Variants in FAH observed in about 807,000 individuals in gnomAD.
The protein encoded by FAH is fumarylacetoacetate hydrolase, also known as fumarylacetoacetase.
FAH carries 47 observed loss-of-function variants against 55.8 expected under a neutral mutation model. The ratio of observed to expected loss-of-function variants is 0.84; its 90% confidence interval spans 0.67 to 1.07. The LOEUF (loss-of-function observed/expected upper bound fraction) is 1.07. Ranked by LOEUF, FAH falls within the 50% of genes least tolerant of loss-of-function variation. The pLI is 0.00. For missense variants in FAH, 495 were observed against 545.9 expected, an observed-to-expected ratio of 0.91 and a Z score of 0.93; for synonymous variants, 199 against 207.7, an observed-to-expected ratio of 0.96 and a Z score of 0.36.
At chr15:80,180,334 G>C in intron 12 of FAH, 109 bp downstream of exon 12, 1 of 829,678 alleles carries the variant, frequency 1.2e-6, no homozygotes, top group Non-Finnish European at 2.0e-6. Flanking sequence ...GCCCGAGGTG[G>C]GTGTATCTCA....
At chr15:80,160,524 G>C (rs906681421) in intron 4 of FAH, 65 bp downstream of exon 4, 4 of 1,522,160 alleles carry the variant, frequency 2.6e-6, no homozygotes, top group Non-Finnish European at 3.6e-6. Context: ...GGCTGGCCAG[G>C]TGCTTTGGTT....
At chr15:80,166,109 T>G (rs377119931) in intron 5 of FAH, 28 of 152,168 alleles carry the variant, frequency 1.8e-4, no homozygotes, top group Admixed American at 2.6e-4. Context: ...TGTTAATCGG[T>G]GTCATACATA....
chr15:80,165,567 C>T (rs1047757102), intron 5 of FAH, among the ~76,000 whole-genome samples: 70 of 147,226 alleles, frequency 4.8e-4, no homozygotes, highest in Middle Eastern at 3.5e-3. Context: ...TGGTGGCGGG[C>T]GCCTGTAGTC....
chr15:80,176,736 T>C (rs1286540988), intron 10 of FAH, among the ~76,000 whole-genome samples: 3 of 152,234 alleles, frequency 2.0e-5, no homozygotes, highest in Non-Finnish European at 4.4e-5. Flanking sequence ...CCTGGCTGCC[T>C]AGAGGTGAAC....
At chr15:80,160,147 C>A in intron 3 of FAH, 2 of 629,374 alleles carry the variant, frequency 3.2e-6, no homozygotes, top group Non-Finnish European at 5.6e-6. Flanking sequence ...TCATTAGCAT[C>A]ATCTGTGACC....
At chr15:80,178,807 C>T (rs1279708766) in intron 11 of FAH, among the ~76,000 whole-genome samples, 1 of 151,846 alleles carries the variant, frequency 6.6e-6, no homozygotes, top group African/African-American at 2.4e-5. Flanking sequence ...CCAGGATGGT[C>T]TCGATCTCCT....
intron 11 of FAH, among the ~76,000 whole-genome samples, chr15:80,179,645 A>G (rs2041312951): frequency 6.6e-6 from 1 of 152,026 alleles, no homozygotes; most frequent in African/African-American, 2.4e-5. Context: ...GTTCAGCTCC[A>G]TTGCCCAGTG....
chr15:80,166,635 C>CTTTTT (rs768001652), intron 5 of FAH, among the ~76,000 whole-genome samples: 9 of 118,360 alleles, frequency 7.6e-5, no homozygotes, highest in South Asian at 2.8e-4. Context: ...TTTGCATTTT[C>CTTTTT]TTTTTTTTTT....
At chr15:80,177,417 G>T in intron 10 of FAH, 120 bp from the exon 11 acceptor site, 1 of 941,290 alleles carries the variant, frequency 1.1e-6, no homozygotes, top group Non-Finnish European at 1.7e-6. Context: ...TTGTTTCACA[G>T]ACTCTAAGTG....
intron 13 of FAH, among the ~76,000 whole-genome samples, chr15:80,183,449 G>T (rs1436068609): frequency 6.6e-6 from 1 of 152,246 alleles, no homozygotes; most frequent in Non-Finnish European, 1.5e-5. Context: ...CTTGTGCAAA[G>T]GTTCCCCGCA....
chr15:80,175,318 A>C (rs1223574583), intron 10 of FAH, among the ~76,000 whole-genome samples: 5 of 151,968 alleles, frequency 3.3e-5, no homozygotes, highest in Non-Finnish European at 7.4e-5. Context: ...CTGAGCTCTC[A>C]GTGGTAGGGC....
chr15:80,174,006 C>G (rs1420126506), intron 9 of FAH, among the ~76,000 whole-genome samples: 1 of 152,198 alleles, frequency 6.6e-6, no homozygotes, highest in Non-Finnish European at 1.5e-5. Flanking sequence ...CTGGGGTCAT[C>G]TCATGTTTGC....
At position 80,172,265 on chromosome 15, in the gene FAH, T is replaced by A; in HGVS notation, c.706+17T>A. Reference sequence around the variant, plus strand: ...ACTGGAGTGGTAATTACTGGAGCTCTGCTCCTGTAGAGATGACGGGGAGGA... The same window carrying A: ...ACTGGAGTGGTAATTACTGGAGCTCAGCTCCTGTAGAGATGACGGGGAGGA... On this transcript the variant is annotated intron_variant, in intron 8 of 13. Transcript: ENST00000561421. 5 of 1,520,262 alleles carry A rather than the reference T, an allele frequency of 3.3e-6. No individual in the cohort carries two copies. Among genetic ancestry groups the A allele is most frequent in the Non-Finnish European group, 4.6e-6 (5 of 1,094,286 alleles). 94.2% of individuals were successfully genotyped at this position (1,520,262 alleles called of 1,614,324 possible).
chr15:80,177,973 G>A (rs984310151), intron 11 of FAH, among the ~76,000 whole-genome samples: 5 of 152,138 alleles, frequency 3.3e-5, no homozygotes, highest in African/African-American at 1.2e-4. Flanking sequence ...GCCAAAGTGG[G>A]AGGATCGCTT....
At chr15:80,179,284 T>C (rs2041310238) in intron 11 of FAH, among the ~76,000 whole-genome samples, 1 of 152,244 alleles carries the variant, frequency 6.6e-6, no homozygotes, top group Non-Finnish European at 1.5e-5. Context: ...TGTTTATGGT[T>C]CATTTGTTTC....
intron 9 of FAH, among the ~76,000 whole-genome samples, chr15:80,174,507 T>C (rs78157034): frequency 1.3e-5 from 2 of 152,238 alleles, no homozygotes; most frequent in East Asian, 1.9e-4. Flanking sequence ...GGGTGACTCA[T>C]GTACCATGCT....
chr15:80,166,367 GC>G (rs1215871515), intron 5 of FAH: 8 of 152,244 alleles, frequency 5.3e-5, no homozygotes, highest in Admixed American at 1.3e-4. Context: ...CAAGTGATCA[GC>G]CCACCTTGGC....
chr15:80,175,177 C>A (rs1209865506), intron 10 of FAH, 86 bp downstream of exon 10: 4 of 1,266,500 alleles, frequency 3.2e-6, no homozygotes, highest in Non-Finnish European at 4.6e-6. Flanking sequence ...TGAGCTTTGG[C>A]AAGGGTGAGG....
intron 1 of FAH, chr15:80,156,198 G>A (rs982659545): frequency 9.0e-6 from 2 of 222,862 alleles, no homozygotes; most frequent in African/African-American, 4.6e-5. Context: ...CCCTTATGCG[G>A]GTGTGACAGG....
Sources: allele counts gnomAD v4.1 joint callset (sites outside exome capture counted in the v4.1 genomes callset), GRCh38; gene constraint gnomAD v4.1.1; transcripts MANE v1.5; gene names NCBI Gene and HGNC (gene_info 2026-07-23, HGNC 2026-07-21).